Variants in FGD4 observed in about 807,000 individuals in gnomAD.
The protein encoded by FGD4 is FYVE, RhoGEF and PH domain-containing protein 4.
FGD4 carries 42 observed loss-of-function variants against 102.0 expected under a neutral mutation model. That is an observed-to-expected ratio of 0.41 (90% CI 0.32 to 0.53). The LOEUF is 0.53. FGD4 is among the 20% of genes least tolerant of loss of function. The pLI, the probability that FGD4 is intolerant of heterozygous loss-of-function variation, is 0.21. For missense variants in FGD4, 902 were observed against 1,078.2 expected, an observed-to-expected ratio of 0.84 and a Z score of 2.29; for synonymous variants, 380 against 375.7, an observed-to-expected ratio of 1.01 and a Z score of -0.13.
chr12:32,592,228 G>A (rs189697697), intron 4 of FGD4, among the ~76,000 whole-genome samples: 141 of 151,974 alleles, frequency 9.3e-4, no homozygotes, highest in African/African-American at 3.3e-3. Context: ...GACTACAGGC[G>A]TGCGCCACCA....
chr12:32,550,336 G>A lies in FGD4; in HGVS notation c.167-13801G>A, dbSNP rs114896505. Reference sequence around the variant, plus strand: ...TTATAGACCAGTTAGTACTTTAGCAGCATACAGATAAGATATATTAAAATC... The same window carrying A: ...TTATAGACCAGTTAGTACTTTAGCAACATACAGATAAGATATATTAAAATC... On this transcript the variant is annotated intron_variant, in intron 1 of 16. Transcript: ENST00000534526. Among the ~76,000 whole-genome samples, 710 of 152,230 alleles carry A rather than the reference G, an allele frequency of 4.7e-3. 11 individuals carry two copies. Among genetic ancestry groups the A allele is most frequent in the African/African-American group, 0.016 (673 of 41,532 alleles).
intron 4 of FGD4, among the ~76,000 whole-genome samples, chr12:32,597,003 C>T (rs1451973356): frequency 6.6e-6 from 1 of 151,268 alleles, no homozygotes. Flanking sequence ...TTTCTCAGAG[C>T]AGAAATCTTC....
intron 5 of FGD4, among the ~76,000 whole-genome samples, chr12:32,600,014 G>A (rs1592359637): frequency 6.6e-6 from 1 of 152,186 alleles, no homozygotes; most frequent in Admixed American, 6.5e-5. Flanking sequence ...AGGCAATCCT[G>A]TGCATACCTC....
At chr12:32,543,047 C>A (rs1205300677) in intron 1 of FGD4, among the ~76,000 whole-genome samples, 2 of 152,170 alleles carry the variant, frequency 1.3e-5, no homozygotes, top group Non-Finnish European at 2.9e-5. Context: ...AGTCACAAGT[C>A]CCAGGCATCC....
intron 1 of FGD4, among the ~76,000 whole-genome samples, chr12:32,467,859 TAC>T (rs1402760647): frequency 6.6e-6 from 1 of 151,926 alleles, no homozygotes; most frequent in Non-Finnish European, 1.5e-5. Context: ...CTACTAAAAA[TAC>T]AAAAATAAGC....
chr12:32,427,956 C>T (rs1941906141), intron 1 of FGD4, among the ~76,000 whole-genome samples: 1 of 152,080 alleles, frequency 6.6e-6, no homozygotes, highest in Non-Finnish European at 1.5e-5. Context: ...CTATGCGTGT[C>T]TTTGCATGTG....
intron 1 of FGD4, among the ~76,000 whole-genome samples, chr12:32,432,051 ATTTTTTTTTTTTTT>A (rs60933809): frequency 3.7e-5 from 4 of 107,708 alleles, no homozygotes; most frequent in South Asian, 3.5e-4. Context: ...TAATCCTAGC[ATTTTTTTTTTTTTT>A]TTTTTTTTTT....
intron 1 of FGD4, among the ~76,000 whole-genome samples, chr12:32,432,575 G>C (rs1413665693): frequency 6.7e-6 from 1 of 149,410 alleles, no homozygotes; most frequent in African/African-American, 2.5e-5. Context: ...CTGCACTCCA[G>C]CCTGGGTGAC....
At chr12:32,634,645 C>G (rs1410870669) in intron 15 of FGD4, among the ~76,000 whole-genome samples, 2 of 152,128 alleles carry the variant, frequency 1.3e-5, no homozygotes, top group Non-Finnish European at 2.9e-5. Flanking sequence ...AGAATAGGCT[C>G]AGGATCAAAA....
chr12:32,541,043 T>C (rs1272487936), intron 1 of FGD4, among the ~76,000 whole-genome samples: 5 of 152,226 alleles, frequency 3.3e-5, no homozygotes, highest in African/African-American at 1.2e-4. Flanking sequence ...AAATATGGCT[T>C]AAGTAATGCA....
At chr12:32,554,922 G>A (rs978621547) in intron 1 of FGD4, among the ~76,000 whole-genome samples, 1 of 152,198 alleles carries the variant, frequency 6.6e-6, no homozygotes, top group Non-Finnish European at 1.5e-5. Flanking sequence ...ATCCTATAGA[G>A]CTTACAAACT....
At chr12:32,613,322 A>G (rs1316131273) in intron 10 of FGD4, among the ~76,000 whole-genome samples, 1 of 152,244 alleles carries the variant, frequency 6.6e-6, no homozygotes, top group African/African-American at 2.4e-5. Context: ...AGGGGTCTTG[A>G]AAAAGTTCAT....
At chr12:32,636,978 C>G (rs1157226585) in intron 15 of FGD4, among the ~76,000 whole-genome samples, 1 of 148,730 alleles carries the variant, frequency 6.7e-6, no homozygotes, top group African/African-American at 2.5e-5. Context: ...CCAAGCAATT[C>G]TTATGTCTCA....
chr12:32,455,553 G>A (rs1468572347), intron 1 of FGD4, among the ~76,000 whole-genome samples: 1 of 151,974 alleles, frequency 6.6e-6, no homozygotes, highest in African/African-American at 2.4e-5. Flanking sequence ...AACGTACAAA[G>A]GTATTTACCC....
Position 32,602,254 on chromosome 12 carries a change from G to A in FGD4, c.1341G>A (p.Met447Ile). 1 of 1,614,146 alleles carries A rather than the reference G, an allele frequency of 6.2e-7. No homozygotes were observed. Among genetic ancestry groups the A allele is most frequent in the Non-Finnish European group, 8.5e-7 (1 of 1,180,022 alleles). ...GEYVKGFDNA[M>I]ELVKNMTERI... is the part of the protein sequence containing the mutation. Reference sequence around the variant, plus strand: ...ATGTGAAAGGATTTGATAATGCAATGGAATTGGTTAAAAACATGACAGAAC... The same window carrying A: ...ATGTGAAAGGATTTGATAATGCAATAGAATTGGTTAAAAACATGACAGAAC... Residue 447 changes from methionine (M) to isoleucine (I), a missense_variant, in exon 7 of 17, where the codon ATG (methionine) becomes ATA (isoleucine). This residue lies in a region of FGD4 where 459 missense variants were observed against 619.0 expected (regional missense o/e 0.74). Transcript: ENST00000534526.
intron 1 of FGD4, among the ~76,000 whole-genome samples, chr12:32,402,117 ATT>A (rs56852726): frequency 9.5e-6 from 1 of 105,204 alleles, no homozygotes; most frequent in Admixed American, 1.1e-4. Flanking sequence ...TTGGCCAGGC[ATT>A]TTTTTTTTTT....
chr12:32,619,458 C>G (rs1230710203), intron 10 of FGD4, among the ~76,000 whole-genome samples: 1 of 151,850 alleles, frequency 6.6e-6, no homozygotes, highest in African/African-American at 2.4e-5. Context: ...GAAACCCTGT[C>G]TCTACTAAAA....
chr12:32,551,810 A>G (rs1943693034), intron 1 of FGD4, among the ~76,000 whole-genome samples: 1 of 152,156 alleles, frequency 6.6e-6, no homozygotes, highest in Non-Finnish European at 1.5e-5. Context: ...TTCATGATGT[A>G]TTCACTGATA....
chr12:32,407,312 G>A (rs1265558773), intron 1 of FGD4, among the ~76,000 whole-genome samples: 1 of 151,334 alleles, frequency 6.6e-6, no homozygotes, highest in Non-Finnish European at 1.5e-5. Context: ...TTTTAGTAGA[G>A]ACGGGGTTTC....
Sources: allele counts gnomAD v4.1 joint callset (sites outside exome capture counted in the v4.1 genomes callset), GRCh38; gene constraint gnomAD v4.1.1; regional missense constraint gnomAD v4.1.1; transcripts MANE v1.5; gene names NCBI Gene and HGNC (gene_info 2026-07-23, HGNC 2026-07-21).